Variants in FSD1L observed in about 807,000 individuals in gnomAD.
FSD1L encodes fibronectin type III and SPRY domain containing 1 like, also known as FSD1-like protein.
FSD1L carries 45 observed loss-of-function variants against 71.6 expected under a neutral mutation model. The ratio of observed to expected loss-of-function variants is 0.63; its 90% confidence interval spans 0.49 to 0.81. FSD1L has a LOEUF of 0.81. Ranked by LOEUF, FSD1L falls within the 30% of genes least tolerant of loss-of-function variation. The pLI, the probability that FSD1L is intolerant of heterozygous loss-of-function variation, is 0.00. For missense variants in FSD1L, 561 were observed against 618.1 expected (o/e 0.91, Z 0.98); for synonymous variants, 197 against 207.2 (o/e 0.95, Z 0.42).
At chr9:105,475,974 C>G (rs1332630518) in intron 5 of FSD1L, among the ~76,000 whole-genome samples, 2 of 151,762 alleles carry the variant, frequency 1.3e-5, no homozygotes, top group African/African-American at 4.8e-5. Flanking sequence ...GCTCTTTTTC[C>G]CTCTCCCTTT....
At chr9:105,444,308 T>C (rs1829596155), upstream of FSD1L, among the ~76,000 whole-genome samples, 1 of 152,222 alleles carries the variant, frequency 6.6e-6, no homozygotes, top group African/African-American at 2.4e-5. Flanking sequence ...ATTACTACTA[T>C]TCTGATCGGT....
Position 105,448,115 on chromosome 9 carries a change from G to T in FSD1L, c.-106G>T, listed in dbSNP as rs1192364559. ...GTGGGGCCGGGCGGTGCCGGTGCGG[G>T]CTGGGGCAGTGCAGTGAGTAGCGGT... On this transcript the variant is annotated 5_prime_UTR_variant, in exon 1 of 14. Coordinates refer to ENST00000481272, the MANE Select transcript of FSD1L (RefSeq NM_001145313.3). 4.0e-6 allele frequency: 5 copies of T among 1,246,924 alleles called. No homozygotes were observed. The highest frequency in any genetic ancestry group is 3.9e-5 in the South Asian group (3 of 77,632). The allele number at this position is 1,246,924 out of a possible 1,614,324, so 77.2% of individuals were successfully genotyped here.
At chr9:105,502,063 C>T (rs1833795885) in intron 7 of FSD1L, among the ~76,000 whole-genome samples, 2 of 152,062 alleles carry the variant, frequency 1.3e-5, no homozygotes, top group South Asian at 4.1e-4. Flanking sequence ...TATATACTAA[C>T]ATATATGGCC....
In FSD1L at chr9:105,546,358, G is replaced by C. The variant is rs1485391628; in HGVS notation, c.1468G>C (p.Val490Leu). Reference protein sequence around the residue: ...FTQPVLPGFMVWCGGLSLSTG... With the variant: ...FTQPVLPGFMLWCGGLSLSTG... Reference sequence around the variant, plus strand: ...GACAGGTTTTTTTGTCTTTTCTTAGGTATGGTGTGGTGGACTTTCTTTGAG... The same window carrying C: ...GACAGGTTTTTTTGTCTTTTCTTAGCTATGGTGTGGTGGACTTTCTTTGAG... Residue 490 changes from valine (V) to leucine (L), a missense_variant and splice_region_variant, in exon 14 of 14, where the codon GTA becomes CTA. Coordinates refer to ENST00000481272, the MANE Select transcript of FSD1L (RefSeq NM_001145313.3). 6.5e-7 allele frequency: 1 copy of C among 1,537,176 alleles called. No homozygotes were observed.
intron 7 of FSD1L, among the ~76,000 whole-genome samples, chr9:105,488,096 C>T (rs916371697): frequency 6.6e-6 from 1 of 152,098 alleles, no homozygotes; most frequent in Non-Finnish European, 1.5e-5. Flanking sequence ...TGGGTTTGGG[C>T]AGATGTATAC....
At chr9:105,526,614 C>G (rs373190827) in intron 10 of FSD1L, among the ~76,000 whole-genome samples, 1 of 152,166 alleles carries the variant, frequency 6.6e-6, no homozygotes, top group African/African-American at 2.4e-5. Context: ...TCATGTCTGC[C>G]ATAACATGCA....
intron 2 of FSD1L, among the ~76,000 whole-genome samples, chr9:105,462,074 GCTACTAAA>G (rs1160662398): frequency 6.6e-6 from 1 of 152,060 alleles, no homozygotes; most frequent in Admixed American, 6.6e-5. Flanking sequence ...TGCAAAGCTT[GCTACTAAA>G]CTTAGACCAA....
At chr9:105,512,384 G>A (rs1487630281) in intron 9 of FSD1L, among the ~76,000 whole-genome samples, 1 of 152,036 alleles carries the variant, frequency 6.6e-6, no homozygotes, top group Non-Finnish European at 1.5e-5. Flanking sequence ...CAGAGAAAAT[G>A]TGTATGCCAG....
rs1837199997 is a variant in FSD1L at position 105,549,943 on chromosome 9, T to C, written c.*3460T>C. On this transcript the variant is annotated 3_prime_UTR_variant, in exon 14 of 14. Coordinates refer to ENST00000481272, the MANE Select transcript of FSD1L (RefSeq NM_001145313.3). ...AAAGAGGGAAGTGTAGACTTCTTAC[T>C]GTAAAATATGTGATTCCAGGCTTAA... The C allele has an allele frequency of 6.6e-6, 1 of 151,992 alleles. No individual in the cohort carries two copies. The highest frequency in any genetic ancestry group is 1.5e-5 in the Non-Finnish European group (1 of 67,878). 9.4% of individuals were successfully genotyped at this position (151,992 alleles called of 1,614,324 possible).
chr9:105,544,967 G>A (rs980090498), intron 13 of FSD1L, among the ~76,000 whole-genome samples: 1 of 152,202 alleles, frequency 6.6e-6, no homozygotes, highest in African/African-American at 2.4e-5. Context: ...TGTGAAGAAA[G>A]TCAGTGGTAG....
rs368115632 is a variant in FSD1L at position 105,463,006 on chromosome 9, C to T, written c.112-1230C>T. 9.2e-3 allele frequency among the ~76,000 whole-genome samples: 1,396 copies of T among 151,156 alleles called. 21 individuals are homozygous for T. Among genetic ancestry groups the T allele is most frequent in the African/African-American group, 0.032 (1,334 of 41,242 alleles). On this transcript the variant is annotated intron_variant, in intron 2 of 13. Transcript: ENST00000481272. ...TGCAAAAATTAGCTGGGCGTGGTGG[C>T]GGACACCTGTAATTCCAGCTACTCG...
rs144858629 is a variant in FSD1L at position 105,547,139 on chromosome 9, T to TA, written c.*657dup. On this transcript the variant is annotated 3_prime_UTR_variant, in exon 14 of 14. Coordinates refer to ENST00000481272, the MANE Select transcript of FSD1L (RefSeq NM_001145313.3). Reference sequence around the variant, plus strand: ...ATCACCCAAATTTCAGTTCTTTACCTACTGCACTAACAATGGCAAGGGGGG... The same window carrying TA: ...ATCACCCAAATTTCAGTTCTTTACCTAACTGCACTAACAATGGCAAGGGGGG... 0.067 allele frequency: 10,275 copies of TA among 152,580 alleles called. 892 individuals are homozygous for TA. The highest frequency in any genetic ancestry group is 0.47 in the East Asian group (2,431 of 5,164). 9.5% of individuals were successfully genotyped at this position (152,580 alleles called of 1,614,324 possible).
chr9:105,513,147 T>C (rs1161309511), intron 10 of FSD1L, among the ~76,000 whole-genome samples: 1 of 152,196 alleles, frequency 6.6e-6, no homozygotes, highest in Non-Finnish European at 1.5e-5. Context: ...TCCCTAATCC[T>C]CTTACACATT....
chr9:105,484,759 T>C (rs1215754971), intron 7 of FSD1L, among the ~76,000 whole-genome samples: 1 of 152,116 alleles, frequency 6.6e-6, no homozygotes, highest in Non-Finnish European at 1.5e-5. Flanking sequence ...GGTGTGATGG[T>C]TAGCAGTGGG....
intron 3 of FSD1L, among the ~76,000 whole-genome samples, chr9:105,464,741 C>T (rs866812522): frequency 2.6e-5 from 4 of 151,716 alleles, no homozygotes; most frequent in African/African-American, 7.3e-5. Context: ...GAGGCTGATG[C>T]AGGTTGATGG....
At chr9:105,498,821 G>A (rs1361150766) in intron 7 of FSD1L, among the ~76,000 whole-genome samples, 5 of 151,958 alleles carry the variant, frequency 3.3e-5, no homozygotes, top group Admixed American at 2.6e-4. Context: ...ATGGGGTTTC[G>A]CCATGTTGGC....
rs1308248170 is a variant in FSD1L, at chr9:105,548,127, T to C, written c.*1644T>C. On this transcript the variant is annotated 3_prime_UTR_variant, in exon 14 of 14. Coordinates refer to ENST00000481272, the MANE Select transcript of FSD1L (RefSeq NM_001145313.3). ...GCACTATTATCTGATGACATGTTGG[T>C]AATTTTAAAGACTGCAAGGCAGTTT... 6.6e-6 allele frequency: 1 copy of C among 152,122 alleles called. No homozygotes were observed. Among genetic ancestry groups the C allele is most frequent in the Non-Finnish European group, 1.5e-5 (1 of 67,970 alleles). 9.4% of individuals were successfully genotyped at this position (152,122 alleles called of 1,614,324 possible). A position where few individuals can be genotyped will look rare whatever the true frequency, so the allele number is the denominator to read the frequency against.
chr9:105,532,682 G>C (rs1203555850), intron 10 of FSD1L, among the ~76,000 whole-genome samples: 1 of 152,144 alleles, frequency 6.6e-6, no homozygotes, highest in Non-Finnish European at 1.5e-5. Flanking sequence ...CTTTGCTCAT[G>C]CTATCTGTTC....
chr9:105,489,555 G>T (rs1055669506), intron 7 of FSD1L, among the ~76,000 whole-genome samples: 2 of 151,956 alleles, frequency 1.3e-5, no homozygotes, highest in South Asian at 2.1e-4. Context: ...TGTACAATGT[G>T]CAGGTTAGTT....
Sources: gnomAD v4.1 joint callset for allele counts (sites outside exome capture counted in the v4.1 genomes callset) on GRCh38, gnomAD v4.1.1 for gene constraint, MANE v1.5 for transcripts, NCBI Gene and HGNC (gene_info 2026-07-23, HGNC 2026-07-21) for gene names.